Variants in C10orf90 observed in about 807,000 individuals in gnomAD.
C10orf90 encodes (E2-independent) E3 ubiquitin-conjugating enzyme FATS.
In C10orf90, 56 loss-of-function variants were observed where a neutral mutation model predicts 62.5. The observed-to-expected ratio is 0.90, with a 90% confidence interval of 0.72 to 1.12. The LOEUF (loss-of-function observed/expected upper bound fraction) is 1.12, where lower values mean the gene tolerates loss of function less well. Among genes scored for constraint, C10orf90 ranks in the 50% most tolerant of loss-of-function variants. The probability of loss-of-function intolerance (pLI) is 0.00; values close to 1 mark genes in which losing one functional copy is unlikely to be tolerated. For synonymous variants in C10orf90, 386 were observed against 340.4 expected (o/e 1.13, Z -1.47); for missense variants, 970 against 880.4 (o/e 1.10, Z -1.29).
intron 2 of C10orf90, among the ~76,000 whole-genome samples, chr10:126,591,885 G>A (rs138398271): frequency 0.013 from 2,017 of 152,150 alleles, 38 homozygotes; most frequent in African/African-American, 0.045. Context: ...AAAACCACTA[G>A]CATTCCTATA....
At chr10:126,551,992 T>C (rs1864644048) in intron 2 of C10orf90, among the ~76,000 whole-genome samples, 1 of 152,186 alleles carries the variant, frequency 6.6e-6, no homozygotes, top group South Asian at 2.1e-4. Context: ...GGAATTACTG[T>C]AAAATGGTTA....
At chr10:126,538,159 C>CT (rs1312069069) in intron 2 of C10orf90, among the ~76,000 whole-genome samples, 2 of 152,194 alleles carry the variant, frequency 1.3e-5, no homozygotes, top group Non-Finnish European at 2.9e-5. Flanking sequence ...AAAGGCACAT[C>CT]CACATGGCGG....
chr10:126,650,429 A>G (rs1049980461), intron 1 of C10orf90, among the ~76,000 whole-genome samples: 2 of 152,184 alleles, frequency 1.3e-5, no homozygotes, highest in African/African-American at 4.8e-5. Flanking sequence ...GAGGGCAATT[A>G]ATCCTCACAG....
intron 2 of C10orf90, among the ~76,000 whole-genome samples, chr10:126,641,451 G>C (rs1846056402): frequency 6.6e-6 from 1 of 151,998 alleles, no homozygotes; most frequent in Non-Finnish European, 1.5e-5. Context: ...GATCAGAAGG[G>C]AGAAAATTCC....
rs551311760 is a variant in C10orf90, at chr10:126,505,102, A to G, written c.406-17T>C. On this transcript the variant is annotated splice_polypyrimidine_tract_variant and intron_variant, in intron 3 of 9. Coordinates refer to ENST00000488181, the MANE Select transcript of C10orf90 (RefSeq NM_001350921.2). The stretch of plus-strand genomic sequence containing the variant: ...CAGGGTCTCCTGCAAATAGAAAAAG[A>G]TCCCGATTATTCAAGCAGTCTATTG... The G allele has an allele frequency of 3.1e-6, 5 of 1,589,100 alleles. No individual in the cohort carries two copies. The South Asian group carries it at 4.6e-5, about 15-fold the overall frequency.
chr10:126,429,576 C>T (rs1299825933), intron 8 of C10orf90, among the ~76,000 whole-genome samples: 1 of 152,210 alleles, frequency 6.6e-6, no homozygotes, highest in Non-Finnish European at 1.5e-5. Context: ...CTACCACTTT[C>T]CTAAGGTTTT....
Position 126,456,962 on chromosome 10 carries a change from G to A in C10orf90, c.2188+2078C>T, listed in dbSNP as rs1034008358. Reference sequence around the variant, plus strand: ...AGAACTGCAAGAAAGTAAGTTTCTGGGCTTGTTTTGTTTTTGTTTTTGCTT... The same window carrying A: ...AGAACTGCAAGAAAGTAAGTTTCTGAGCTTGTTTTGTTTTTGTTTTTGCTT... On this transcript the variant is annotated intron_variant, in intron 7 of 9. Transcript: ENST00000488181. The surrounding 1 kb of genome is among the most constrained non-coding windows in gnomAD (Gnocchi z 4.9). 3.3e-5 allele frequency among the ~76,000 whole-genome samples: 5 copies of A among 151,770 alleles called. No individual in the cohort carries two copies. Among genetic ancestry groups the A allele is most frequent in the African/African-American group, 1.2e-4 (5 of 41,102 alleles).
intron 7 of C10orf90, among the ~76,000 whole-genome samples, chr10:126,432,634 G>C (rs939550121): frequency 6.6e-6 from 1 of 152,232 alleles, no homozygotes. Context: ...TCTGGGAGAA[G>C]GGCACAGTGA....
At chr10:126,649,119 A>G (rs971528953) in intron 1 of C10orf90, among the ~76,000 whole-genome samples, 6 of 131,662 alleles carry the variant, frequency 4.6e-5, no homozygotes, top group African/African-American at 1.8e-4. Flanking sequence ...ACTAAGACCC[A>G]CAGCGTTCTG....
chr10:126,458,222 A>G (rs781544995), intron 7 of C10orf90, among the ~76,000 whole-genome samples: 16 of 152,118 alleles, frequency 1.1e-4, no homozygotes, highest in Non-Finnish European at 2.1e-4. Flanking sequence ...TATTTCCCCA[A>G]AAGACTTTTA....
At chr10:126,482,015 C>T (rs756278304) in intron 4 of C10orf90, among the ~76,000 whole-genome samples, 2 of 152,218 alleles carry the variant, frequency 1.3e-5, no homozygotes, top group Non-Finnish European at 2.9e-5. Context: ...ACAGTCCTTA[C>T]TAGGTTTCCC....
intron 3 of C10orf90, chr10:126,512,216 T>C (rs981682457): frequency 6.6e-6 from 1 of 151,922 alleles, no homozygotes; most frequent in Non-Finnish European, 1.5e-5. Flanking sequence ...TCCAGAGTTA[T>C]TGAACTCAGT....
intron 3 of C10orf90, among the ~76,000 whole-genome samples, chr10:126,505,868 C>T (rs1038327535): frequency 6.6e-6 from 1 of 152,170 alleles, no homozygotes; most frequent in African/African-American, 2.4e-5. Flanking sequence ...GCAGGAGAAT[C>T]GCTTGAACTC....
intron 1 of C10orf90, among the ~76,000 whole-genome samples, chr10:126,649,954 A>T (rs1478487231): frequency 6.9e-6 from 1 of 144,984 alleles, no homozygotes; most frequent in Non-Finnish European, 1.5e-5. Context: ...GTAAGGGAAA[A>T]GGTAGAATGG....
chr10:126,590,321 A>G (rs942934588), intron 2 of C10orf90, among the ~76,000 whole-genome samples: 2 of 152,312 alleles, frequency 1.3e-5, no homozygotes, highest in East Asian at 3.9e-4. Context: ...ACCTGAACTC[A>G]GCTCTGGATC....
In C10orf90 at chr10:126,454,495, C is replaced by A. The variant is rs559347603; in HGVS notation, c.2188+4545G>T. 2.3e-3 allele frequency among the ~76,000 whole-genome samples: 344 copies of A among 152,046 alleles called. 3 individuals carry two copies. The highest frequency in any genetic ancestry group is 2.9e-3 in the Non-Finnish European group (194 of 67,954). The stretch of plus-strand genomic sequence containing the variant: ...ATCTGCAAAGGCTGTGCCCCTACGA[C>A]CTGCAGGGGCTGACCCCGTACTGCC... On this transcript the variant is annotated intron_variant, in intron 7 of 9. Transcript: ENST00000488181.
chr10:126,535,230 T>C (rs895939665), intron 2 of C10orf90, among the ~76,000 whole-genome samples: 32 of 151,976 alleles, frequency 2.1e-4, no homozygotes, highest in African/African-American at 7.5e-4. Flanking sequence ...TTTTAAAAAA[T>C]TTGTCAGCTG....
At chr10:126,559,708 A>G (rs1312039245) in intron 2 of C10orf90, among the ~76,000 whole-genome samples, 3 of 152,224 alleles carry the variant, frequency 2.0e-5, no homozygotes, top group Non-Finnish European at 4.4e-5. Flanking sequence ...AAGCCTAATC[A>G]TTTAAAAAAC....
chr10:126,519,383 A>C (rs1356720539), intron 2 of C10orf90, among the ~76,000 whole-genome samples: 1 of 152,222 alleles, frequency 6.6e-6, no homozygotes, highest in Non-Finnish European at 1.5e-5. Context: ...GTAGCAGACA[A>C]GCACCATCAT....
Sources: gnomAD v4.1 joint callset for allele counts (sites outside exome capture counted in the v4.1 genomes callset) on GRCh38, gnomAD v4.1.1 for gene constraint, Gnocchi (gnomAD v3.1) non-coding constraint, MANE v1.5 for transcripts, NCBI Gene and HGNC (gene_info 2026-07-23, HGNC 2026-07-21) for gene names.